Variants in FLRT1 observed in about 807,000 individuals in gnomAD.
FLRT1 encodes leucine-rich repeat transmembrane protein FLRT1.
In FLRT1, 14 loss-of-function variants were observed where a neutral mutation model predicts 30.9. The ratio of observed to expected loss-of-function variants is 0.45; its 90% confidence interval spans 0.30 to 0.71. The LOEUF is 0.71. Ranked by LOEUF, FLRT1 falls within the 30% of genes least tolerant of loss-of-function variation. The pLI is 0.08. For synonymous variants in FLRT1, 368 were observed against 430.4 expected, an observed-to-expected ratio of 0.85 and a Z score of 1.80; for missense variants, 737 against 949.2, an observed-to-expected ratio of 0.78 and a Z score of 2.94.
In FLRT1 at chr11:64,117,724, A is replaced by G; in HGVS notation, c.1457A>G (p.Gln486Arg). The change falls in exon 3 of 3, where the codon CAG becomes CGG. Residue 486 changes from glutamine to arginine, a missense_variant. Physicochemically the swap from Gln to Arg is conservative, Grantham distance 43. Transcript: ENST00000682287. ...AVGSITETLV[Q>R]GDKTEYLLTA... ...GGCTCCATCACGGAGACCTTGGTGC[A>G]GGGGGACAAGACAGAGTACCTGCTG... is the stretch of plus-strand genomic sequence containing the variant. 1.9e-6 allele frequency: 3 copies of G among 1,613,744 alleles called. No homozygotes were observed. The highest frequency in any genetic ancestry group is 2.5e-6 in the Non-Finnish European group (3 of 1,179,952).
Position 64,090,666 on chromosome 11 carries a change from A to AACAG in FLRT1, c.-1037-12525_-1037-12522dup, listed in dbSNP as rs1944473140. 6.6e-6 allele frequency among the ~76,000 whole-genome samples: 1 copy of AACAG among 152,116 alleles called. No homozygotes were observed. Among genetic ancestry groups the AACAG allele is most frequent in the African/African-American group, 2.4e-5 (1 of 41,396 alleles). ...GCCCCAGGCCTTGTCCCCAGCCACCAACAGACCACTTCTCTGAGGCGGGGA... is the reference window on the plus strand; with the variant it reads ...GCCCCAGGCCTTGTCCCCAGCCACCAACAGACAGACCACTTCTCTGAGGCGGGGA... On this transcript the variant is annotated intron_variant, in intron 1 of 2. Coordinates refer to ENST00000682287, the MANE Select transcript of FLRT1 (RefSeq NM_013280.5). The surrounding 1 kb of genome is among the most constrained non-coding windows in gnomAD (Gnocchi z 4.7).
chr11:64,056,599 G>A (rs1461992671), intron 1 of FLRT1, among the ~76,000 whole-genome samples: 3 of 152,236 alleles, frequency 2.0e-5, no homozygotes, highest in Admixed American at 2.0e-4. Context: ...GGCCAGCCCT[G>A]AGTCCGGATG....
chr11:64,057,550 C>T (rs1386268969), intron 1 of FLRT1, among the ~76,000 whole-genome samples: 1 of 152,226 alleles, frequency 6.6e-6, no homozygotes, highest in Non-Finnish European at 1.5e-5. Flanking sequence ...GCCCATTTTA[C>T]AGATGAGAGA....
intron 1 of FLRT1, among the ~76,000 whole-genome samples, chr11:64,040,243 C>T (rs1002035593): frequency 6.7e-6 from 1 of 149,118 alleles, no homozygotes; most frequent in Non-Finnish European, 1.5e-5. Flanking sequence ...GGTCAAGTAA[C>T]AGAGGGGCCT....
chr11:64,069,361 G>T (rs1944063997), intron 1 of FLRT1, among the ~76,000 whole-genome samples: 4 of 152,214 alleles, frequency 2.6e-5, no homozygotes, highest in Admixed American at 1.3e-4. Flanking sequence ...CAGAGGATGG[G>T]GGTCTCTCTC....
intron 1 of FLRT1, among the ~76,000 whole-genome samples, chr11:64,042,691 C>G (rs1454918033): frequency 6.6e-6 from 1 of 152,198 alleles, no homozygotes; most frequent in Non-Finnish European, 1.5e-5. Flanking sequence ...CAACACTCCC[C>G]TGATCCCCCA....
chr11:64,065,447 A>C (rs1943980942), intron 1 of FLRT1, among the ~76,000 whole-genome samples: 1 of 152,202 alleles, frequency 6.6e-6, no homozygotes, highest in South Asian at 2.1e-4. Flanking sequence ...CTGAGGCTCC[A>C]GAGAGCCTGG....
chr11:64,102,321 C>T (rs572740326), intron 1 of FLRT1, among the ~76,000 whole-genome samples: 250 of 152,294 alleles, frequency 1.6e-3, no homozygotes, highest in Non-Finnish European at 3.0e-3. Context: ...CCCTGCCCTC[C>T]GTCTGTGTGG....
At chr11:64,070,918 C>T (rs879624155) in intron 1 of FLRT1, among the ~76,000 whole-genome samples, 1 of 152,156 alleles carries the variant, frequency 6.6e-6, no homozygotes, top group Non-Finnish European at 1.5e-5. Context: ...CATGGGTCCA[C>T]ATCTTCTAGG....
rs10570373 is a variant in FLRT1, at chr11:64,118,594, GTTT to G, written c.*312_*314del. Reference sequence around the variant, plus strand: ...AATATTGCAGGCAGGGCTGGGTTGGGTTTTTTTTTTTTCCCCCCTGAACTGGAA... The same window carrying G: ...AATATTGCAGGCAGGGCTGGGTTGGGTTTTTTTTTCCCCCCTGAACTGGAA... On this transcript the variant is annotated 3_prime_UTR_variant, in exon 3 of 3. Coordinates refer to ENST00000682287, the MANE Select transcript of FLRT1 (RefSeq NM_013280.5). The G allele has an allele frequency of 6.6e-5, 16 of 241,154 alleles. No homozygotes were observed. The highest frequency in any genetic ancestry group is 1.1e-4 in the Non-Finnish European group (13 of 114,228). The allele number at this position is 241,154 out of a possible 1,614,324, so 14.9% of individuals were successfully genotyped here. A position where few individuals can be genotyped will look rare whatever the true frequency, so the allele number is the denominator to read the frequency against.
At chr11:64,050,570 TAAG>T (rs1351717028) in intron 1 of FLRT1, among the ~76,000 whole-genome samples, 3 of 152,298 alleles carry the variant, frequency 2.0e-5, no homozygotes, top group Admixed American at 2.0e-4. Context: ...CTCACAGCGC[TAAG>T]GACAGGCCTG....
chr11:64,089,333 C>T (rs1437109027), intron 1 of FLRT1, among the ~76,000 whole-genome samples: 5 of 152,156 alleles, frequency 3.3e-5, no homozygotes, highest in South Asian at 2.1e-4. Flanking sequence ...GCCAGGGATT[C>T]GGACCCAAAC....
intron 1 of FLRT1, among the ~76,000 whole-genome samples, chr11:64,057,600 G>A (rs920442845): frequency 2.0e-5 from 3 of 152,094 alleles, no homozygotes; most frequent in African/African-American, 7.2e-5. Context: ...GTCACTGCCC[G>A]AGCAGGACCT....
In FLRT1 at chr11:64,067,740, A is replaced by G. The variant is rs1280978346; in HGVS notation, c.-1038+31581A>G. Among the ~76,000 whole-genome samples, 3 of 151,898 alleles carry G rather than the reference A, an allele frequency of 2.0e-5. No individual in the cohort carries two copies. The highest frequency in any genetic ancestry group is 4.4e-5 in the Non-Finnish European group (3 of 67,958). ...CCCTCGCGAGGCACCGCAGGCTGCC[A>G]CCCCCAGCTTGTGAACTGGGGGTGG... On this transcript the variant is annotated intron_variant, in intron 1 of 2. Coordinates refer to ENST00000682287, the MANE Select transcript of FLRT1 (RefSeq NM_013280.5). This position sits in a 1 kb window ranked among gnomAD's most constrained non-coding sequence, Gnocchi z 4.6.
intron 1 of FLRT1, among the ~76,000 whole-genome samples, chr11:64,050,255 C>T (rs1406357973): frequency 6.6e-6 from 1 of 152,188 alleles, no homozygotes; most frequent in East Asian, 1.9e-4. Context: ...GAGGAGGGAC[C>T]TGAGACCCCG....
At chr11:64,047,351 C>T (rs1160085361) in intron 1 of FLRT1, among the ~76,000 whole-genome samples, 1 of 152,166 alleles carries the variant, frequency 6.6e-6, no homozygotes, top group South Asian at 2.1e-4. Context: ...AAACCTGAGG[C>T]TCAGGGAGGT....
intron 1 of FLRT1, among the ~76,000 whole-genome samples, chr11:64,060,943 G>C (rs1268070601): frequency 6.6e-6 from 1 of 151,778 alleles, no homozygotes; most frequent in Non-Finnish European, 1.5e-5. Flanking sequence ...GCACCGCGGC[G>C]GCGGCGGCGG....
chr11:64,075,793 C>T (rs1944189736), intron 1 of FLRT1, among the ~76,000 whole-genome samples: 1 of 152,264 alleles, frequency 6.6e-6, no homozygotes, highest in Non-Finnish European at 1.5e-5. Context: ...CTGCCTCAGC[C>T]TCCCAAGTAG....
chr11:64,061,065 T>TC (rs1416135538), intron 1 of FLRT1, among the ~76,000 whole-genome samples: 1 of 151,822 alleles, frequency 6.6e-6, no homozygotes, highest in East Asian at 1.9e-4. Flanking sequence ...GGGCTTGGCG[T>TC]CCCCCCCACT....
Sources: gnomAD v4.1 joint callset for allele counts (sites outside exome capture counted in the v4.1 genomes callset) on GRCh38, gnomAD v4.1.1 for gene constraint, Gnocchi (gnomAD v3.1) non-coding constraint, MANE v1.5 for transcripts, NCBI Gene and HGNC (gene_info 2026-07-23, HGNC 2026-07-21) for gene names.